SSR1: variants seen among roughly 807,000 people sequenced by gnomAD.
SSR1 encodes the protein translocon-associated protein subunit alpha.
Under a neutral mutation model 36.1 loss-of-function variants are expected in SSR1, and 13 were observed. The observed-to-expected ratio is 0.36, with a 90% CI of 0.23 to 0.57. The LOEUF is 0.57. Ranked by LOEUF, SSR1 falls within the 20% of genes least tolerant of loss-of-function variation. SSR1 has a pLI of 0.81. For synonymous variants in SSR1, 113 were observed against 118.9 expected (o/e 0.95, Z 0.32); for missense variants, 291 against 338.5 (o/e 0.86, Z 1.10).
intron 6 of SSR1, 103 bp from the exon 7 acceptor site, chr6:7,295,588 G>C: frequency 2.6e-6 from 2 of 762,360 alleles, no homozygotes; most frequent in Non-Finnish European, 4.0e-6. Flanking sequence ...CAGGCTGCCT[G>C]GAACTCCTGG....
At chr6:7,295,356 G>T in intron 7 of SSR1, 36 bp downstream of exon 7, 1 of 1,527,850 alleles carries the variant, frequency 6.5e-7, no homozygotes, top group Non-Finnish European at 9.0e-7. Context: ...CCACTTAAGA[G>T]AAAAACTTCC....
intron 2 of SSR1, among the ~76,000 whole-genome samples, chr6:7,305,150 T>C (rs1408883798): frequency 1.3e-5 from 2 of 152,144 alleles, no homozygotes; most frequent in Non-Finnish European, 2.9e-5. Context: ...TGATATCTGA[T>C]TAATGGGTTT....
intron 3 of SSR1, among the ~76,000 whole-genome samples, chr6:7,301,791 A>G (rs956901992): frequency 3.9e-5 from 6 of 152,198 alleles, no homozygotes; most frequent in South Asian, 4.1e-4. Flanking sequence ...CCACATAAGC[A>G]TTCAATAAGC....
Position 7,289,705 on chromosome 6 carries a change from A to G in SSR1, c.*159T>C. 1 of 659,768 alleles carries G rather than the reference A, an allele frequency of 1.5e-6. No individual in the cohort carries two copies. The highest frequency in any genetic ancestry group is 2.1e-5 in the South Asian group (1 of 48,146). The allele number at this position is 659,768 out of a possible 1,614,324, so 40.9% of individuals were successfully genotyped here. A position where few individuals can be genotyped will look rare whatever the true frequency, so the allele number is the denominator to read the frequency against. On this transcript the variant is annotated 3_prime_UTR_variant, in exon 8 of 8. Coordinates refer to ENST00000244763, the MANE Select transcript of SSR1 (RefSeq NM_003144.5). ...TACTTTAGAAAAATGAATGCAGTGC[A>G]TTTTCAGCAATATTATCGCCACAGA... is the stretch of plus-strand genomic sequence containing the variant.
At chr6:7,299,003 C>G (rs1235330162) in intron 4 of SSR1, 180 bp from the exon 5 acceptor site, 17 of 584,058 alleles carry the variant, frequency 2.9e-5, no homozygotes, top group Non-Finnish European at 4.8e-5. Context: ...TTGTTATTTT[C>G]TCACATGAAA....
At chr6:7,292,799 A>C (rs924372245) in intron 7 of SSR1, among the ~76,000 whole-genome samples, 1 of 152,092 alleles carries the variant, frequency 6.6e-6, no homozygotes, top group African/African-American at 2.4e-5. Context: ...CTTCTCACCC[A>C]ACCTTTCAAG....
intron 2 of SSR1, among the ~76,000 whole-genome samples, chr6:7,308,339 A>G (rs559902186): frequency 7.2e-5 from 11 of 152,368 alleles, no homozygotes; most frequent in South Asian, 2.1e-4. Context: ...GACATATTCC[A>G]TAAAAATGAA....
chr6:7,291,407 TAA>T (rs1290988472), intron 7 of SSR1, among the ~76,000 whole-genome samples: 1 of 151,622 alleles, frequency 6.6e-6, no homozygotes, highest in Non-Finnish European at 1.5e-5. Context: ...CTCAGAAAAA[TAA>T]AAAAAGTTAA....
rs541867997 is a variant in SSR1 at position 7,298,088 on chromosome 6, A to C, written c.621-87T>G. 41 of 952,684 alleles carry C rather than the reference A, an allele frequency of 4.3e-5. No individual in the cohort carries two copies. The South Asian group carries it at 6.7e-4, about 16-fold the overall frequency. 59.0% of individuals were successfully genotyped at this position (952,684 alleles called of 1,614,324 possible). The stretch of plus-strand genomic sequence containing the variant: ...CAACTATAATTATAACACATAATAG[A>C]AGCTTTCCAAATAACTTGTGGCGAA... On this transcript the variant is annotated intron_variant, in intron 5 of 7. Transcript: ENST00000244763.
At chr6:7,305,045 C>T (rs1758025239) in intron 2 of SSR1, among the ~76,000 whole-genome samples, 1 of 152,036 alleles carries the variant, frequency 6.6e-6, no homozygotes, top group Non-Finnish European at 1.5e-5. Flanking sequence ...AGAAAAGAGA[C>T]CCATAAGTAG....
rs188099415 is a variant in SSR1 at position 7,296,918 on chromosome 6, A to T, written c.699+1005T>A. The T allele has an allele frequency of 1.6e-3, 246 of 154,176 alleles. 3 individuals are homozygous for T. Among genetic ancestry groups the T allele is most frequent in the South Asian group, 0.012 (68 of 5,446 alleles). The allele number at this position is 154,176 out of a possible 1,614,324, so 9.6% of individuals were successfully genotyped here. On this transcript the variant is annotated intron_variant, in intron 6 of 7. Coordinates refer to ENST00000244763, the MANE Select transcript of SSR1 (RefSeq NM_003144.5). ...TGTTTATTAATTAAGGATTGTTTCT[A>T]TAATTAAGAGTATTAACGCAGGCTG...
chr6:7,310,628 T>A (rs1005007299), intron 1 of SSR1, among the ~76,000 whole-genome samples: 2 of 152,306 alleles, frequency 1.3e-5, no homozygotes, highest in Non-Finnish European at 1.5e-5. Context: ...AACAGCATTC[T>A]TGGCCGGCGC....
intron 3 of SSR1, 122 bp from the exon 4 acceptor site, chr6:7,301,694 C>T (rs899052716): frequency 6.0e-6 from 6 of 992,032 alleles, no homozygotes; most frequent in Non-Finnish European, 8.7e-6. Context: ...GAATCCCTTC[C>T]AATAGAGCAC....
intron 7 of SSR1, chr6:7,295,015 G>A (rs1437718086): frequency 1.0e-5 from 14 of 1,346,034 alleles, no homozygotes; most frequent in African/African-American, 1.5e-5. Context: ...TAAACTTGAC[G>A]TAAAATATTT....
At chr6:7,311,311 T>G (rs1439129932) in intron 1 of SSR1, among the ~76,000 whole-genome samples, 1 of 152,188 alleles carries the variant, frequency 6.6e-6, no homozygotes, top group Non-Finnish European at 1.5e-5. Flanking sequence ...AATTTCAAAG[T>G]TCTAGTGTCT....
At chr6:7,310,097 AGGT>A in intron 1 of SSR1, 68 bp from the exon 2 acceptor site, 1 of 1,335,100 alleles carries the variant, frequency 7.5e-7, no homozygotes. Flanking sequence ...TTTTAACATC[AGGT>A]ATAGGCAAAA....
chr6:7,310,539 C>A (rs1437652670), intron 1 of SSR1, among the ~76,000 whole-genome samples: 2 of 152,140 alleles, frequency 1.3e-5, no homozygotes, highest in Non-Finnish European at 2.9e-5. Context: ...TAATTTTTTG[C>A]AAAGATAAGA....
chr6:7,297,057 C>T (rs1314972700), intron 6 of SSR1: 9 of 276,876 alleles, frequency 3.3e-5, no homozygotes, highest in South Asian at 1.6e-4. Context: ...CCTGTCTCTA[C>T]AAAACATACA....
At chr6:7,311,268 C>T (rs1758189656) in intron 1 of SSR1, among the ~76,000 whole-genome samples, 1 of 151,214 alleles carries the variant, frequency 6.6e-6, no homozygotes, top group South Asian at 2.1e-4. Flanking sequence ...AAGTAAGTCA[C>T]ATTATATCTA....
Sources: gnomAD v4.1 joint callset for allele counts (sites outside exome capture counted in the v4.1 genomes callset) on GRCh38, gnomAD v4.1.1 for gene constraint, MANE v1.5 for transcripts, NCBI Gene and HGNC (gene_info 2026-07-23, HGNC 2026-07-21) for gene names.